LIPT2: variants seen among roughly 807,000 people sequenced by gnomAD.
LIPT2 encodes the protein lipoyl(octanoyl) transferase 2.
A neutral mutation model predicts 16.2 loss-of-function variants in LIPT2; 16 were observed. The observed-to-expected ratio is 0.99, with a 90% confidence interval of 0.67 to 1.50. The LOEUF (loss-of-function observed/expected upper bound fraction) is 1.50, where lower values mean the gene tolerates loss of function less well. Among genes scored for constraint, LIPT2 ranks in the 40% most tolerant of loss-of-function variants. The pLI, the probability that LIPT2 is intolerant of heterozygous loss-of-function variation, is 0.00. For synonymous variants in LIPT2, 199 were observed against 169.3 expected (o/e 1.18, Z -1.36); for missense variants, 424 against 347.7 (o/e 1.22, Z -1.75).
chr11:74,492,125 T>C lies in LIPT2; in HGVS notation c.*10A>G, dbSNP rs946645922. On this transcript the variant is annotated 3_prime_UTR_variant, in exon 2 of 2. Coordinates refer to ENST00000310109, the MANE Select transcript of LIPT2 (RefSeq NM_001144869.3). ...CAAGGCAGGAGCATCCTGGCTGTTA[T>C]GAGTACTCTTCAGTTGGGGCTGTCC... The C allele has an allele frequency of 5.6e-5, 87 of 1,546,304 alleles. No homozygotes were observed. Among genetic ancestry groups the C allele is most frequent in the Admixed American group, 2.0e-4 (10 of 50,968 alleles).
Position 74,493,526 on chromosome 11 carries a change from C to T in LIPT2, c.178G>A (p.Gly60Arg), listed in dbSNP as rs914492566. 15 of 1,420,332 alleles carry T rather than the reference C, an allele frequency of 1.1e-5. No homozygotes were observed. The highest frequency in any genetic ancestry group is 7.5e-5 in the African/African-American group (5 of 66,570). The allele number at this position is 1,420,332 out of a possible 1,614,324, so 88.0% of individuals were successfully genotyped here. A position where few individuals can be genotyped will look rare whatever the true frequency, so the allele number is the denominator to read the frequency against. The change falls in exon 1 of 2, where the codon GGG becomes AGG. Residue 60 changes from glycine to arginine, a missense_variant. Coordinates refer to ENST00000310109, the MANE Select transcript of LIPT2 (RefSeq NM_001144869.3). ...TCGGGCGTCAGGCCGCCGCGCAGCC[C>T]GGCCGTATACACGGGCCCCGCGGGC... ...CEPAGPVYTA[G>R]LRGGLTPEET... is the part of the protein sequence containing the mutation.
At chr11:74,493,060 C>T (rs1864379983) in intron 1 of LIPT2, 178 bp downstream of exon 1, 1 of 421,060 alleles carries the variant, frequency 2.4e-6, no homozygotes, top group Non-Finnish European at 4.2e-6. Context: ...TCTGAATATA[C>T]GATATCTGAA....
Position 74,493,605 on chromosome 11 carries a change from C to A in LIPT2, c.99G>T (p.Glu33Asp). The stretch of plus-strand genomic sequence containing the variant: ...TCCCCGACGGGGCCTCAATGCCTGG[C>A]TCGGCCTGCAGCCGCCGCAGCCAGC... ...QDRWLRRLQA[E>D]PGIEAPSGTE... Residue 33 changes from glutamate to aspartate, a missense_variant, in exon 1 of 2, where the codon GAG becomes GAT. Physicochemically the swap from Glu to Asp is conservative, Grantham distance 45. Coordinates refer to ENST00000310109, the MANE Select transcript of LIPT2 (RefSeq NM_001144869.3). 1 of 1,456,946 alleles carries A rather than the reference C, an allele frequency of 6.9e-7. No individual in the cohort carries two copies. The highest frequency in any genetic ancestry group is 9.0e-7 in the Non-Finnish European group (1 of 1,110,090). 90.3% of individuals were successfully genotyped at this position (1,456,946 alleles called of 1,614,324 possible). A position where few individuals can be genotyped will look rare whatever the true frequency, so the allele number is the denominator to read the frequency against.
chr11:74,492,167 A>C lies in LIPT2; in HGVS notation c.664T>G (p.Cys222Gly), dbSNP rs540360012. ...GGGCTGTCCTCTGAGATCAGTGTGC[A>C]CTTGTAGATCTCCTTAAAGGCCACA... The part of the protein sequence containing the change: ...FLVAFKEIYK[C>G]TLISEDSPN Residue 222 changes from cysteine to glycine, a missense_variant, in exon 2 of 2, where the codon TGC becomes GGC. Cys to Gly is a radical substitution (Grantham distance 159, BLOSUM62 -3). Transcript: ENST00000310109. 1 of 1,551,536 alleles carries C rather than the reference A, an allele frequency of 6.4e-7. No homozygotes were observed. The highest frequency in any genetic ancestry group is 1.4e-5 in the African/African-American group (1 of 73,144).
chr11:74,492,284 C>A lies in LIPT2; in HGVS notation c.547G>T (p.Val183Leu). 6.4e-7 allele frequency: 1 copy of A among 1,551,788 alleles called. No individual in the cohort carries two copies. Among genetic ancestry groups the A allele is most frequent in the South Asian group, 1.2e-5 (1 of 84,062 alleles). The stretch of plus-strand genomic sequence containing the variant: ...CCTGTCCCAACCAGTCCACAGGGCA[C>A]GATGTGCTCAAACCACGTGAGGTCG... ...STDLTWFEHI[V>L]PCGLVGTGVT... The change falls in exon 2 of 2, where the codon GTG (valine) becomes TTG (leucine). Residue 183 changes from valine (V) to leucine (L), a missense_variant. By Grantham distance (32) the Val-to-Leu change is conservative (BLOSUM62 1). Transcript: ENST00000310109.
chr11:74,493,417 T>A lies in LIPT2; in HGVS notation c.287A>T (p.Gln96Leu), dbSNP rs1864397230. ...GTCGAGTACCGGGTGGCAAAGCAGC[T>A]GGCCCGGGCCGTGGAAGGTGGCCAG... ...GGLATFHGPG[Q>L]LLCHPVLDLR... Residue 96 changes from glutamine (Q) to leucine (L), a missense_variant, in exon 1 of 2, where the codon CAG becomes CTG. Transcript: ENST00000310109. The A allele has an allele frequency of 6.6e-7, 1 of 1,510,084 alleles. No homozygotes were observed. The highest frequency in any genetic ancestry group is 8.8e-7 in the Non-Finnish European group (1 of 1,136,298). 93.5% of individuals were successfully genotyped at this position (1,510,084 alleles called of 1,614,324 possible). A position where few individuals can be genotyped will look rare whatever the true frequency, so the allele number is the denominator to read the frequency against.
chr11:74,493,453 C>A lies in LIPT2; in HGVS notation c.251G>T (p.Gly84Val). ...GTGGAAGGTGGCCAGGCCACCGCGGCCTGTGACGCGCACCTCGGCGCCCAA... is the reference window on the plus strand; with the variant it reads ...GTGGAAGGTGGCCAGGCCACCGCGGACTGTGACGCGCACCTCGGCGCCCAA... ...RALGAEVRVT[G>V]RGGLATFHGP... The change falls in exon 1 of 2, where the codon GGC becomes GTC. Residue 84 changes from glycine (G) to valine (V), a missense_variant. Physicochemically the swap from Gly to Val is moderately radical, Grantham distance 109. Transcript: ENST00000310109. The A allele has an allele frequency of 6.7e-7, 1 of 1,492,034 alleles. No homozygotes were observed. Among genetic ancestry groups the A allele is most frequent in the African/African-American group, 1.5e-5 (1 of 68,640 alleles). The allele number at this position is 1,492,034 out of a possible 1,614,324, so 92.4% of individuals were successfully genotyped here.
rs143286532 is a variant in LIPT2, at chr11:74,493,139, C to T, written c.466+99G>A. On this transcript the variant is annotated intron_variant, in intron 1 of 1. Coordinates refer to ENST00000310109, the MANE Select transcript of LIPT2 (RefSeq NM_001144869.3). ...AACCCGCGCTAGATACGCCTCCTCC[C>T]GGCCCTCACCTCCGTTGGTCCAGCC... 1,182 of 871,476 alleles carry T rather than the reference C, an allele frequency of 1.4e-3. 3 individuals are homozygous for T. Among genetic ancestry groups the T allele is most frequent in the Non-Finnish European group, 1.4e-3 (907 of 637,380 alleles). The allele number at this position is 871,476 out of a possible 1,614,324, so 54.0% of individuals were successfully genotyped here.
rs1864411039 is a variant in LIPT2, at chr11:74,493,652, C to G, written c.52G>C (p.Glu18Gln). The G allele has an allele frequency of 1.4e-6, 2 of 1,451,222 alleles. No individual in the cohort carries two copies. The highest frequency in any genetic ancestry group is 1.8e-6 in the Non-Finnish European group (2 of 1,108,264). The allele number at this position is 1,451,222 out of a possible 1,614,324, so 89.9% of individuals were successfully genotyped here. A position where few individuals can be genotyped will look rare whatever the true frequency, so the allele number is the denominator to read the frequency against. ...CAGCGGTCCTGCAGCCCCAGTAGCT[C>G]GGCGTACGGCACCCGACCCAGGCGC... ...LVRLGRVPYA[E>Q]LLGLQDRWLR... The change falls in exon 1 of 2, where the codon GAG becomes CAG. Residue 18 changes from glutamate (E) to glutamine (Q), a missense_variant. Physicochemically the swap from Glu to Gln is conservative, Grantham distance 29 (BLOSUM62 2). Transcript: ENST00000310109.
At position 74,493,276 on chromosome 11, in the gene LIPT2, G is replaced by C. The variant is rs1455786688; in HGVS notation, c.428C>G (p.Thr143Ser). The C allele has an allele frequency of 2.1e-6, 3 of 1,409,002 alleles. No homozygotes were observed. The highest frequency in any genetic ancestry group is 2.8e-6 in the Non-Finnish European group (3 of 1,083,100). 87.3% of individuals were successfully genotyped at this position (1,409,002 alleles called of 1,614,324 possible). The change falls in exon 1 of 2, where the codon ACT becomes AGT. Residue 143 changes from threonine to serine, a missense_variant. Transcript: ENST00000310109. ...QDARARPPPY[T>S]GVWLDDRKIC... ...CTTGCGATCGTCTAGCCAGACGCCA[G>C]TGTAGGGCGGGGGCCGCGCGCGGGC...
Position 74,491,848 on chromosome 11 carries a change from T to G in LIPT2, c.*287A>C, listed in dbSNP as rs1864341838. On this transcript the variant is annotated 3_prime_UTR_variant, in exon 2 of 2. Coordinates refer to ENST00000310109, the MANE Select transcript of LIPT2 (RefSeq NM_001144869.3). ...TCAACAATCGAGAAATAACAATCTATGACATCTGAATTTCTCTGAGACACT... is the reference window on the plus strand; with the variant it reads ...TCAACAATCGAGAAATAACAATCTAGGACATCTGAATTTCTCTGAGACACT... 3 of 377,628 alleles carry G rather than the reference T, an allele frequency of 7.9e-6. No homozygotes were observed. The Admixed American group carries it at 1.2e-4, about 15-fold the overall frequency. 23.4% of individuals were successfully genotyped at this position (377,628 alleles called of 1,614,324 possible).
At position 74,491,954 on chromosome 11, in the gene LIPT2, G is replaced by A; in HGVS notation, c.*181C>T. The A allele has an allele frequency of 1.7e-6, 1 of 591,502 alleles. No homozygotes were observed. Among genetic ancestry groups the A allele is most frequent in the East Asian group, 2.8e-5 (1 of 35,736 alleles). The allele number at this position is 591,502 out of a possible 1,614,324, so 36.6% of individuals were successfully genotyped here. On this transcript the variant is annotated 3_prime_UTR_variant, in exon 2 of 2. Transcript: ENST00000310109. ...GTCACATCTAGTATCTCTGAGGTAG[G>A]TGGGGAAGATATAAATAAAACAGGA...
In LIPT2 at chr11:74,493,630, C is replaced by G. The variant is rs1470529729; in HGVS notation, c.74G>C (p.Arg25Pro). 2.1e-6 allele frequency: 3 copies of G among 1,457,416 alleles called. No homozygotes were observed. The highest frequency in any genetic ancestry group is 3.0e-5 in the East Asian group (1 of 33,414). The allele number at this position is 1,457,416 out of a possible 1,614,324, so 90.3% of individuals were successfully genotyped here. A position where few individuals can be genotyped will look rare whatever the true frequency, so the allele number is the denominator to read the frequency against. Residue 25 changes from arginine to proline, a missense_variant, in exon 1 of 2, where the codon CGC becomes CCC. Transcript: ENST00000310109. ...PYAELLGLQDRWLRRLQAEPG... is the reference protein window; with the variant it reads ...PYAELLGLQDPWLRRLQAEPG... ...CTCGGCCTGCAGCCGCCGCAGCCAG[C>G]GGTCCTGCAGCCCCAGTAGCTCGGC...
intron 1 of LIPT2, 67 bp from the exon 2 acceptor site, chr11:74,492,431 A>C: frequency 4.8e-6 from 5 of 1,043,096 alleles, no homozygotes; most frequent in Non-Finnish European, 7.2e-6. Flanking sequence ...TGTCCCTCTC[A>C]GGGCGATGAG....
chr11:74,493,404 G>C lies in LIPT2; in HGVS notation c.300C>G (p.His100Gln), dbSNP rs1030943285. The C allele has an allele frequency of 6.6e-7, 1 of 1,516,160 alleles. No homozygotes were observed. The highest frequency in any genetic ancestry group is 2.6e-5 in the East Asian group (1 of 38,574). The allele number at this position is 1,516,160 out of a possible 1,614,324, so 93.9% of individuals were successfully genotyped here. A position where few individuals can be genotyped will look rare whatever the true frequency, so the allele number is the denominator to read the frequency against. ...TFHGPGQLLC[H>Q]PVLDLRRLGL... ...CGAGACGCCGCAGGTCGAGTACCGG[G>C]TGGCAAAGCAGCTGGCCCGGGCCGT... is the stretch of plus-strand genomic sequence containing the variant. Residue 100 changes from histidine (H) to glutamine (Q), a missense_variant, in exon 1 of 2, where the codon CAC becomes CAG. Transcript: ENST00000310109.
rs1000601574 is a variant in LIPT2, at chr11:74,491,077, T to C, written c.*1058A>G. On this transcript the variant is annotated 3_prime_UTR_variant, in exon 2 of 2. Transcript: ENST00000310109. The stretch of plus-strand genomic sequence containing the variant: ...TGAGGCTGGGTCATAAAAAACATTG[T>C]GGCTTCCAGCTTGTCTCTCTTTGGC... 6.6e-6 allele frequency among the ~76,000 whole-genome samples: 1 copy of C among 152,244 alleles called. No homozygotes were observed. Among genetic ancestry groups the C allele is most frequent in the Non-Finnish European group, 1.5e-5 (1 of 68,050 alleles).
rs1326221444 is a variant in LIPT2 at position 74,493,251 on chromosome 11, C to T, written c.453G>A (p.Lys151=). The part of the protein sequence containing the change: ...PYTGVWLDDR[K]ICAIGVRCGR... ...CGCGGCGCTCACCGATCGCGCAGAT[C>T]TTGCGATCGTCTAGCCAGACGCCAG... The change falls in exon 1 of 2, where the codon AAG becomes AAA. Residue 151 remains lysine, a synonymous_variant. Coordinates refer to ENST00000310109, the MANE Select transcript of LIPT2 (RefSeq NM_001144869.3). 1 of 1,353,912 alleles carries T rather than the reference C, an allele frequency of 7.4e-7. No homozygotes were observed. 83.9% of individuals were successfully genotyped at this position (1,353,912 alleles called of 1,614,324 possible). A position where few individuals can be genotyped will look rare whatever the true frequency, so the allele number is the denominator to read the frequency against.
In LIPT2 at chr11:74,493,623, C is replaced by G. The variant is rs1864409090; in HGVS notation, c.81G>C (p.Leu27=). Residue 27 remains leucine (L), a synonymous_variant, in exon 1 of 2, where the codon CTG becomes CTC. Coordinates refer to ENST00000310109, the MANE Select transcript of LIPT2 (RefSeq NM_001144869.3). ...AELLGLQDRW[L]RRLQAEPGIE... is the part of the protein sequence containing the mutation. ...TGCCTGGCTCGGCCTGCAGCCGCCG[C>G]AGCCAGCGGTCCTGCAGCCCCAGTA... 7.5e-6 allele frequency: 11 copies of G among 1,457,756 alleles called. No individual in the cohort carries two copies. The highest frequency in any genetic ancestry group is 2.5e-5 in the Admixed American group (1 of 39,562). The allele number at this position is 1,457,756 out of a possible 1,614,324, so 90.3% of individuals were successfully genotyped here. A position where few individuals can be genotyped will look rare whatever the true frequency, so the allele number is the denominator to read the frequency against.
chr11:74,492,490 AG>A, intron 1 of LIPT2, 126 bp from the exon 2 acceptor site: 1 of 662,990 alleles, frequency 1.5e-6, no homozygotes, highest in Non-Finnish European at 2.7e-6. Flanking sequence ...TGGAGAAACA[AG>A]GGATTGTACT....
Sources: gnomAD v4.1 joint callset for allele counts (sites outside exome capture counted in the v4.1 genomes callset) on GRCh38, gnomAD v4.1.1 for gene constraint, MANE v1.5 for transcripts, NCBI Gene and HGNC (gene_info 2026-07-23, HGNC 2026-07-21) for gene names.